The following SAMD4A variants were observed in gnomAD, a reference collection of about 807,000 sequenced individuals.
SAMD4A encodes sterile alpha motif domain containing 4A.
Under a neutral mutation model 81.3 loss-of-function variants are expected in SAMD4A, and 33 were observed. The ratio of observed to expected loss-of-function variants is 0.41; its 90% CI spans 0.31 to 0.54. The LOEUF is 0.54. Among genes scored for constraint, SAMD4A ranks in the 20% least tolerant of loss-of-function variants. The probability of loss-of-function intolerance (pLI) is 0.37; values close to 1 mark genes in which losing one functional copy is unlikely to be tolerated. For synonymous variants in SAMD4A, 389 were observed against 382.1 expected (o/e 1.02, Z -0.21); for missense variants, 854 against 951.1 (o/e 0.90, Z 1.34).
chr14:54,775,418 A>G (rs765212779), intron 10 of SAMD4A, among the ~76,000 whole-genome samples: 1 of 152,202 alleles, frequency 6.6e-6, no homozygotes, highest in Non-Finnish European at 1.5e-5. Context: ...TCTTTGCCCC[A>G]TGCTTGACCT....
chr14:54,637,479 A>G (rs1053616068), intron 2 of SAMD4A, among the ~76,000 whole-genome samples: 1 of 152,052 alleles, frequency 6.6e-6, no homozygotes, highest in East Asian at 1.9e-4. Context: ...GAGCTCTAGA[A>G]GCCAGGTGAA....
intron 2 of SAMD4A, among the ~76,000 whole-genome samples, chr14:54,619,601 T>C (rs1357527513): frequency 2.0e-5 from 3 of 152,228 alleles, no homozygotes; most frequent in African/African-American, 7.2e-5. Context: ...GGTTTTGTTA[T>C]ATAGGCCTTG....
At chr14:54,745,471 G>A (rs1488762565) in intron 4 of SAMD4A, among the ~76,000 whole-genome samples, 1 of 152,068 alleles carries the variant, frequency 6.6e-6, no homozygotes, top group Admixed American at 6.6e-5. Context: ...GCTCCCCATG[G>A]CAAACCAAAA....
At chr14:54,777,206 C>G (rs926056083) in intron 11 of SAMD4A, among the ~76,000 whole-genome samples, 4 of 151,962 alleles carry the variant, frequency 2.6e-5, no homozygotes, top group East Asian at 1.9e-4. Flanking sequence ...GACCCCCCCC[C>G]ACCCCCACTG....
intron 2 of SAMD4A, among the ~76,000 whole-genome samples, chr14:54,653,323 T>G (rs2035449136): frequency 6.9e-6 from 1 of 145,280 alleles, no homozygotes; most frequent in Non-Finnish European, 1.5e-5. Context: ...TTATTATTAT[T>G]ATTATTATTA....
At chr14:54,577,360 A>G (rs2033331306) in intron 2 of SAMD4A, among the ~76,000 whole-genome samples, 1 of 152,224 alleles carries the variant, frequency 6.6e-6, no homozygotes, top group Non-Finnish European at 1.5e-5. Flanking sequence ...TGGGGGCCAC[A>G]GCAAGGGCTG....
At chr14:54,673,858 C>G (rs2140525866) in intron 2 of SAMD4A, among the ~76,000 whole-genome samples, 1 of 152,346 alleles carries the variant, frequency 6.6e-6, no homozygotes, top group Non-Finnish European at 1.5e-5. Flanking sequence ...CGCTCTTAAA[C>G]TTCAGACCTC....
intron 2 of SAMD4A, among the ~76,000 whole-genome samples, chr14:54,700,502 T>A (rs1274790319): frequency 6.6e-5 from 10 of 152,232 alleles, no homozygotes; most frequent in African/African-American, 2.2e-4. Context: ...CAGTGATAAC[T>A]GGGCTTGTTT....
chr14:54,723,296 T>C (rs1054100228), intron 3 of SAMD4A, among the ~76,000 whole-genome samples: 2 of 152,170 alleles, frequency 1.3e-5, no homozygotes, highest in East Asian at 3.8e-4. Flanking sequence ...AGAGATGCTT[T>C]CCATGTGGTT....
At chr14:54,663,835 T>C (rs1007526408) in intron 2 of SAMD4A, among the ~76,000 whole-genome samples, 1 of 152,242 alleles carries the variant, frequency 6.6e-6, no homozygotes, top group South Asian at 2.1e-4. Flanking sequence ...CCTCTATCTA[T>C]GGCAGTCAGT....
At chr14:54,782,019 A>T (rs2039010758) in intron 11 of SAMD4A, among the ~76,000 whole-genome samples, 1 of 152,210 alleles carries the variant, frequency 6.6e-6, no homozygotes, top group African/African-American at 2.4e-5. Flanking sequence ...TCCCCAGTGC[A>T]TGGAAGCAAA....
chr14:54,757,707 C>T (rs2038283853), intron 6 of SAMD4A, among the ~76,000 whole-genome samples: 1 of 152,116 alleles, frequency 6.6e-6, no homozygotes, highest in East Asian at 1.9e-4. Context: ...CTTTCCTAGC[C>T]CCTCTTCATG....
rs2032985296 is a variant in SAMD4A, at chr14:54,567,853, T to TGGGGCGGGC, written c.-54_-46dup. On this transcript the variant is annotated 5_prime_UTR_variant, in exon 2 of 13. Transcript: ENST00000554335. ...GCGGGGCTGCGGCTCCGCCAAACTTTGGGGCGGGCGGGGCGGGCTGGGGCG... is the reference window on the plus strand; with the variant it reads ...GCGGGGCTGCGGCTCCGCCAAACTTTGGGGCGGGCGGGGCGGGCGGGGCGGGCTGGGGCG... 1.6e-6 allele frequency: 2 copies of TGGGGCGGGC among 1,259,840 alleles called. No homozygotes were observed. The highest frequency in any genetic ancestry group is 2.0e-6 in the Non-Finnish European group (2 of 994,444). 78.0% of individuals were successfully genotyped at this position (1,259,840 alleles called of 1,614,324 possible). A position where few individuals can be genotyped will look rare whatever the true frequency, so the allele number is the denominator to read the frequency against.
chr14:54,571,627 A>T (rs1321940187), intron 2 of SAMD4A, among the ~76,000 whole-genome samples: 6 of 152,340 alleles, frequency 3.9e-5, no homozygotes, highest in Non-Finnish European at 8.8e-5. Context: ...GTGGTAAGTA[A>T]ATGACAATAA....
intron 2 of SAMD4A, among the ~76,000 whole-genome samples, chr14:54,642,107 T>A (rs1045107297): frequency 6.6e-6 from 1 of 152,190 alleles, no homozygotes; most frequent in Non-Finnish European, 1.5e-5. Flanking sequence ...CAGAAGTCAG[T>A]AAGTTTTAAG....
At chr14:54,669,445 C>CTTTCT (rs2035827062) in intron 2 of SAMD4A, among the ~76,000 whole-genome samples, 1 of 103,336 alleles carries the variant, frequency 9.7e-6, no homozygotes, top group Non-Finnish European at 1.9e-5. Context: ...ACGCTTCTTT[C>CTTTCT]TTTTTTTTTT....
At chr14:54,706,240 C>A (rs1413856915) in intron 3 of SAMD4A, among the ~76,000 whole-genome samples, 3 of 145,760 alleles carry the variant, frequency 2.1e-5, no homozygotes, top group African/African-American at 7.8e-5. Context: ...GTGATCGTGT[C>A]ACTGCACTCC....
At position 54,724,023 on chromosome 14, in the gene SAMD4A, AG is replaced by A. The variant is rs796732274; in HGVS notation, c.716-12999del. On this transcript the variant is annotated intron_variant, in intron 3 of 12. Coordinates refer to ENST00000554335, the MANE Select transcript of SAMD4A (RefSeq NM_015589.6). ...ATGGATGGATGGAAGGAAGGAAGGA[AG>A]GAAGGAAGGAAGGAAGGAAGGAAGG... is the stretch of plus-strand genomic sequence containing the variant. Among the ~76,000 whole-genome samples the A allele has an allele frequency of 1.5e-3, 144 of 98,968 alleles. 1 individual carries two copies. The East Asian group carries it at 0.024, about 16-fold the overall frequency. 64.9% of individuals were successfully genotyped at this position (98,968 alleles called of 152,430 possible). A position where few individuals can be genotyped will look rare whatever the true frequency, so the allele number is the denominator to read the frequency against.
chr14:54,600,673 G>A (rs2034029537), intron 2 of SAMD4A, among the ~76,000 whole-genome samples: 1 of 152,168 alleles, frequency 6.6e-6, no homozygotes, highest in African/African-American at 2.4e-5. Context: ...AATAATATGA[G>A]TCTTGTTGGT....
Sources: allele counts gnomAD v4.1 joint callset (sites outside exome capture counted in the v4.1 genomes callset), GRCh38; gene constraint gnomAD v4.1.1; transcripts MANE v1.5; gene names NCBI Gene and HGNC (gene_info 2026-07-23, HGNC 2026-07-21).